The following PCDH15 variants were observed in gnomAD, a reference collection of about 807,000 sequenced individuals.
PCDH15 encodes the protein protocadherin related 15.
In PCDH15, 129 loss-of-function variants were observed where a neutral mutation model predicts 178.5. The ratio of observed to expected loss-of-function variants is 0.72; its 90% confidence interval spans 0.63 to 0.84. The LOEUF is 0.84. Ranked by LOEUF, PCDH15 falls within the 40% of genes least tolerant of loss-of-function variation. The pLI is 0.00. For synonymous variants in PCDH15, 800 were observed against 732.0 expected (o/e 1.09, Z -1.50); for missense variants, 2,230 against 2,099.9 (o/e 1.06, Z -1.21).
chr10:55,393,239 C>T (rs1837842976), intron 2 of PCDH15, among the ~76,000 whole-genome samples: 1 of 151,940 alleles, frequency 6.6e-6, no homozygotes, highest in Admixed American at 6.6e-5. Flanking sequence ...TTGCTAGGTC[C>T]CACCCTCAGG....
At chr10:54,846,533 G>C (rs566109238) in intron 3 of PCDH15, among the ~76,000 whole-genome samples, 89 of 152,122 alleles carry the variant, frequency 5.9e-4, no homozygotes, top group African/African-American at 2.1e-3. Context: ...AAATGCATCC[G>C]GCAATCTACC....
chr10:55,589,703 C>T (rs1842802368), intron 2 of PCDH15, among the ~76,000 whole-genome samples: 2 of 151,570 alleles, frequency 1.3e-5, no homozygotes, highest in Admixed American at 6.6e-5. Context: ...CCAAAAAACA[C>T]ATGAAAAAAT....
At position 55,359,720 on chromosome 10, in the gene PCDH15, G is replaced by GTATATATA. The variant is rs57949952; in HGVS notation, c.-155-193077_-155-193070dup. On this transcript the variant is annotated intron_variant, in intron 2 of 5. Coordinates refer to the PCDH15 transcript ENST00000613346. ...GATGAACAAATAAAGAAAATGTGGT[G>GTATATATA]TATATATATATATATATATATATAT... Among the ~76,000 whole-genome samples the GTATATATA allele has an allele frequency of 4.6e-3, 518 of 112,736 alleles. 4 individuals are homozygous for GTATATATA. Among genetic ancestry groups the GTATATATA allele is most frequent in the African/African-American group, 0.014 (375 of 26,074 alleles). The allele number at this position is 112,736 out of a possible 152,430, so 74.0% of individuals were successfully genotyped here.
intron 20 of PCDH15, among the ~76,000 whole-genome samples, chr10:54,009,119 G>T (rs772375016): frequency 4.0e-5 from 6 of 151,716 alleles, no homozygotes; most frequent in Non-Finnish European, 7.4e-5. Context: ...TTATTGTCTC[G>T]GGAAAGAGAG....
At chr10:54,733,977 T>C (rs1943741519) in intron 1 of PCDH15, among the ~76,000 whole-genome samples, 1 of 147,338 alleles carries the variant, frequency 6.8e-6, no homozygotes, top group Non-Finnish European at 1.5e-5. Context: ...GAATGTAAAA[T>C]GTTAAAACTT....
intron 2 of PCDH15, among the ~76,000 whole-genome samples, chr10:55,050,288 G>C (rs1192224936): frequency 6.6e-6 from 1 of 151,808 alleles, no homozygotes; most frequent in African/African-American, 2.4e-5. Context: ...TATACATTAT[G>C]GGTTAGTAAC....
chr10:54,393,634 C>T (rs896413933), intron 3 of PCDH15, among the ~76,000 whole-genome samples: 7 of 152,104 alleles, frequency 4.6e-5, no homozygotes, highest in African/African-American at 1.7e-4. Context: ...TGAAAGGTTT[C>T]CATGATATTT....
At chr10:55,576,982 GC>G (rs1842508639) in intron 2 of PCDH15, among the ~76,000 whole-genome samples, 2 of 152,162 alleles carry the variant, frequency 1.3e-5, no homozygotes, top group South Asian at 4.1e-4. Flanking sequence ...GGTGACTCAT[GC>G]CTGTAATCCC....
chr10:54,443,320 C>G (rs1294481178), intron 3 of PCDH15, among the ~76,000 whole-genome samples: 1 of 151,416 alleles, frequency 6.6e-6, no homozygotes, highest in Non-Finnish European at 1.5e-5. Flanking sequence ...TTCTTCAACT[C>G]TAAGATGAGT....
rs34468887 is a variant in PCDH15 at position 55,334,221 on chromosome 10, CATATATATATAT to C, written c.-155-167582_-155-167571del. 5.6e-3 allele frequency among the ~76,000 whole-genome samples: 350 copies of C among 62,860 alleles called. 25 individuals carry two copies. Among genetic ancestry groups the C allele is most frequent in the African/African-American group, 0.036 (327 of 9,034 alleles). The allele number at this position is 62,860 out of a possible 152,430, so 41.2% of individuals were successfully genotyped here. On this transcript the variant is annotated intron_variant, in intron 2 of 5. Coordinates refer to the PCDH15 transcript ENST00000613346. ...TCTGATGTTCATAACTAGGGTGCTC[CATATATATATAT>C]ATATATATATGTGTGTGTGTGTGTG...
chr10:55,329,027 T>C (rs369367773), intron 2 of PCDH15, among the ~76,000 whole-genome samples: 3 of 123,296 alleles, frequency 2.4e-5, no homozygotes, highest in African/African-American at 9.7e-5. Flanking sequence ...GTGTGTGTGT[T>C]TGTGTGTGTG....
At chr10:55,428,803 C>A (rs1181413931) in intron 2 of PCDH15, among the ~76,000 whole-genome samples, 1 of 151,748 alleles carries the variant, frequency 6.6e-6, no homozygotes, top group Admixed American at 6.6e-5. Flanking sequence ...TTTGTGCACT[C>A]TCATGAATTA....
intron 2 of PCDH15, among the ~76,000 whole-genome samples, chr10:55,383,007 C>G (rs1296185660): frequency 6.6e-6 from 1 of 152,150 alleles, no homozygotes; most frequent in Admixed American, 6.5e-5. Flanking sequence ...AGGGTGACAG[C>G]CTTTTACATA....
At chr10:54,959,446 A>G (rs1838585226) in intron 2 of PCDH15, among the ~76,000 whole-genome samples, 1 of 152,006 alleles carries the variant, frequency 6.6e-6, no homozygotes, top group Non-Finnish European at 1.5e-5. Context: ...TAGATGTTAC[A>G]TCTATTAATT....
chr10:53,992,244 A>AAGG (rs1032831324), intron 21 of PCDH15, among the ~76,000 whole-genome samples: 6 of 152,142 alleles, frequency 3.9e-5, no homozygotes, highest in Non-Finnish European at 2.9e-5. Flanking sequence ...AACCCACCAG[A>AAGG]AGGAAGAAAC....
intron 2 of PCDH15, among the ~76,000 whole-genome samples, chr10:54,935,287 C>G (rs529860861): frequency 6.6e-6 from 1 of 151,838 alleles, no homozygotes; most frequent in African/African-American, 2.4e-5. Context: ...ATGCAGAGAC[C>G]GATGAAAATT....
At chr10:54,723,610 A>AC (rs1462327488) in intron 1 of PCDH15, among the ~76,000 whole-genome samples, 1 of 151,822 alleles carries the variant, frequency 6.6e-6, no homozygotes, top group Non-Finnish European at 1.5e-5. Flanking sequence ...TAAACAGATA[A>AC]CCTAAACAAT....
intron 10 of PCDH15, among the ~76,000 whole-genome samples, chr10:54,199,112 A>G (rs1390126631): frequency 2.0e-5 from 3 of 152,166 alleles, no homozygotes; most frequent in Non-Finnish European, 2.9e-5. Context: ...TCATATCTAT[A>G]AAAATTACAT....
intron 1 of PCDH15, among the ~76,000 whole-genome samples, chr10:55,204,883 C>G (rs1840352945): frequency 6.6e-6 from 1 of 152,062 alleles, no homozygotes; most frequent in South Asian, 2.1e-4. Flanking sequence ...TTAAAACTAT[C>G]TGAGACCCAC....
Sources: allele counts gnomAD v4.1 joint callset (sites outside exome capture counted in the v4.1 genomes callset), GRCh38; gene constraint gnomAD v4.1.1; transcripts MANE v1.5; gene names NCBI Gene and HGNC (gene_info 2026-07-23, HGNC 2026-07-21).